Variants in LHFPL3 observed in about 807,000 individuals in gnomAD.
The protein encoded by LHFPL3 is LHFPL tetraspan subfamily member 3.
In LHFPL3, 5 loss-of-function variants were observed where a neutral mutation model predicts 19.3. The observed-to-expected ratio is 0.26, with a 90% confidence interval of 0.14 to 0.54. The LOEUF (loss-of-function observed/expected upper bound fraction) is 0.54, where lower values mean the gene tolerates loss of function less well. Ranked by LOEUF, LHFPL3 falls within the 20% of genes least tolerant of loss-of-function variation. The pLI is 0.94. For synonymous variants in LHFPL3, 133 were observed against 126.2 expected (o/e 1.05, Z -0.36); for missense variants, 249 against 307.4 (o/e 0.81, Z 1.42).
chr7:104,373,973 C>CAT (rs1790659919), intron 1 of LHFPL3, among the ~76,000 whole-genome samples: 3 of 152,122 alleles, frequency 2.0e-5, no homozygotes, highest in Admixed American at 6.5e-5. Context: ...TTCCTTGTCT[C>CAT]ATAATGTTAT....
At chr7:104,541,605 T>C (rs1794487868) in intron 1 of LHFPL3, among the ~76,000 whole-genome samples, 1 of 152,120 alleles carries the variant, frequency 6.6e-6, no homozygotes, top group Non-Finnish European at 1.5e-5. Context: ...TGTTGACAGA[T>C]TGGCAATGTG....
intron 1 of LHFPL3, among the ~76,000 whole-genome samples, chr7:104,575,571 A>C (rs1453870734): frequency 1.3e-5 from 2 of 148,900 alleles, no homozygotes; most frequent in Non-Finnish European, 3.0e-5. Context: ...AAAAAAAAAA[A>C]AAAAAAAAAA....
At chr7:104,377,982 ACTTT>A (rs932075581) in intron 1 of LHFPL3, among the ~76,000 whole-genome samples, 1 of 152,346 alleles carries the variant, frequency 6.6e-6, no homozygotes, top group African/African-American at 2.4e-5. Context: ...TCCAAATGAA[ACTTT>A]CTTTCTACCT....
intron 2 of LHFPL3, among the ~76,000 whole-genome samples, chr7:104,873,148 T>G (rs1423840075): frequency 6.6e-6 from 1 of 152,250 alleles, no homozygotes; most frequent in Non-Finnish European, 1.5e-5. Flanking sequence ...GGCACCTGAC[T>G]GTACTAGACA....
intron 1 of LHFPL3, among the ~76,000 whole-genome samples, chr7:104,568,634 G>T (rs1562937573): frequency 6.6e-6 from 1 of 152,166 alleles, no homozygotes; most frequent in South Asian, 2.1e-4. Context: ...GCCTCCCTCT[G>T]GTGGGACCTA....
At position 104,453,839 on chromosome 7, in the gene LHFPL3, T is replaced by C. The variant is rs116352711; in HGVS notation, c.445+124615T>C. 4.2e-3 allele frequency among the ~76,000 whole-genome samples: 637 copies of C among 152,242 alleles called. 1 individual carries two copies. Among genetic ancestry groups the C allele is most frequent in the African/African-American group, 0.015 (617 of 41,540 alleles). ...CTGCCCCACTTCCCTCACTTGCTCC[T>C]GCTTCAGCCACGTGATGTTCCTGCT... On this transcript the variant is annotated intron_variant, in intron 1 of 2. Transcript: ENST00000424859.
At chr7:104,427,127 A>G (rs1352859005) in intron 1 of LHFPL3, among the ~76,000 whole-genome samples, 1 of 152,214 alleles carries the variant, frequency 6.6e-6, no homozygotes, top group South Asian at 2.1e-4. Context: ...GAGATCGTCA[A>G]ATCCAGGAGA....
intron 2 of LHFPL3, among the ~76,000 whole-genome samples, chr7:104,851,021 A>C (rs1284199299): frequency 6.6e-6 from 1 of 152,212 alleles, no homozygotes; most frequent in Non-Finnish European, 1.5e-5. Flanking sequence ...TAGAAGGAAT[A>C]GCACCACCTT....
chr7:104,839,821 A>C (rs1051937905), intron 2 of LHFPL3, among the ~76,000 whole-genome samples: 1 of 152,160 alleles, frequency 6.6e-6, no homozygotes, highest in Non-Finnish European at 1.5e-5. Flanking sequence ...TGATGGGTGT[A>C]TTGCTTAGAA....
chr7:104,812,803 CAAAAAAAAAAA>C (rs59809377), intron 2 of LHFPL3, among the ~76,000 whole-genome samples: 55 of 31,336 alleles, frequency 1.8e-3, no homozygotes, highest in African/African-American at 6.3e-3. Flanking sequence ...GACTCCATCT[CAAAAAAAAAAA>C]AAAAAAAAAA....
chr7:104,642,820 C>T (rs943758250), intron 1 of LHFPL3, among the ~76,000 whole-genome samples: 3 of 152,162 alleles, frequency 2.0e-5, no homozygotes, highest in Non-Finnish European at 4.4e-5. Context: ...CTGAAGGTTC[C>T]CCCTTTACCA....
intron 1 of LHFPL3, among the ~76,000 whole-genome samples, chr7:104,645,425 T>A (rs989083489): frequency 2.0e-5 from 3 of 152,188 alleles, no homozygotes; most frequent in Non-Finnish European, 4.4e-5. Flanking sequence ...GTGCATATAA[T>A]CCATGAAATA....
At chr7:104,842,795 T>G (rs919759539) in intron 2 of LHFPL3, among the ~76,000 whole-genome samples, 13 of 152,252 alleles carry the variant, frequency 8.5e-5, no homozygotes, top group African/African-American at 2.9e-4. Context: ...AATGTCTCAA[T>G]TTCTGCAAAC....
intron 1 of LHFPL3, among the ~76,000 whole-genome samples, chr7:104,627,601 A>C (rs1791569623): frequency 6.6e-6 from 1 of 152,152 alleles, no homozygotes; most frequent in Non-Finnish European, 1.5e-5. Flanking sequence ...CAGAAGTTAA[A>C]ATTAGATTTC....
chr7:104,372,621 G>A (rs981953467), intron 1 of LHFPL3, among the ~76,000 whole-genome samples: 1 of 152,118 alleles, frequency 6.6e-6, no homozygotes, highest in Non-Finnish European at 1.5e-5. Context: ...TGAGATCTTG[G>A]ACAAGTAACT....
intron 1 of LHFPL3, among the ~76,000 whole-genome samples, chr7:104,373,941 G>C (rs1054164381): frequency 6.6e-6 from 1 of 152,136 alleles, no homozygotes; most frequent in Admixed American, 6.5e-5. Flanking sequence ...AACATGTTTT[G>C]GGGTAAAATA....
At chr7:104,856,383 G>A (rs141512197) in intron 2 of LHFPL3, among the ~76,000 whole-genome samples, 3,214 of 151,602 alleles carry the variant, frequency 0.021, 38 homozygotes, top group Middle Eastern at 0.044. Context: ...CCGAGTAGCC[G>A]GGATTACAGG....
chr7:104,500,309 A>T (rs1793576349), intron 1 of LHFPL3, among the ~76,000 whole-genome samples: 1 of 151,698 alleles, frequency 6.6e-6, no homozygotes. Context: ...GGAGATCAAT[A>T]CTTGATACTT....
chr7:104,615,881 T>C (rs188662385), intron 1 of LHFPL3, among the ~76,000 whole-genome samples: 168 of 152,268 alleles, frequency 1.1e-3, no homozygotes, highest in Middle Eastern at 3.4e-3. Flanking sequence ...TGAACTCCCA[T>C]TCACAATTGC....
Sources: allele counts gnomAD v4.1 joint callset (sites outside exome capture counted in the v4.1 genomes callset), GRCh38; gene constraint gnomAD v4.1.1; transcripts MANE v1.5; gene names NCBI Gene and HGNC (gene_info 2026-07-23, HGNC 2026-07-21).